GABRB3: variants seen among roughly 807,000 people sequenced by gnomAD.
The protein encoded by GABRB3 is gamma-aminobutyric acid receptor subunit beta-3.
GABRB3 carries 14 observed loss-of-function variants against 52.1 expected under a neutral mutation model. The ratio of observed to expected loss-of-function variants is 0.27; its 90% CI spans 0.18 to 0.42. The LOEUF (loss-of-function observed/expected upper bound fraction) is 0.42, where lower values mean the gene tolerates loss of function less well. Ranked by LOEUF, GABRB3 falls within the 10% of genes least tolerant of loss-of-function variation. The pLI, the probability that GABRB3 is intolerant of heterozygous loss-of-function variation, is 1.00. For synonymous variants in GABRB3, 260 were observed against 232.3 expected (o/e 1.12, Z -1.08); for missense variants, 307 against 609.1 (o/e 0.50, Z 5.22).
intron 3 of GABRB3, chr15:26,666,584 C>T (rs1362667969): frequency 6.6e-6 from 1 of 152,202 alleles, no homozygotes; most frequent in Admixed American, 6.5e-5. Context: ...ACAGTCGTTA[C>T]TTGTATGGTT....
intron 4 of GABRB3, among the ~76,000 whole-genome samples, chr15:26,589,713 G>C (rs1056177608): frequency 1.3e-5 from 2 of 152,054 alleles, no homozygotes; most frequent in Admixed American, 6.6e-5. Flanking sequence ...CTCACCCCCA[G>C]GTGAGCCCAC....
chr15:26,681,816 A>G (rs1182948537), intron 3 of GABRB3, among the ~76,000 whole-genome samples: 1 of 152,126 alleles, frequency 6.6e-6, no homozygotes, highest in African/African-American at 2.4e-5. Context: ...ATGTTTTATA[A>G]GAAAAATTAG....
intron 4 of GABRB3, among the ~76,000 whole-genome samples, chr15:26,596,960 G>C (rs11639008): frequency 0.31 from 47,330 of 152,064 alleles, 9,218 homozygotes; most frequent in Middle Eastern, 0.47. Flanking sequence ...TCGAGGCAGT[G>C]TAGTGTATAA....
intron 3 of GABRB3, among the ~76,000 whole-genome samples, chr15:26,766,439 T>C (rs1455447382): frequency 6.6e-6 from 1 of 152,226 alleles, no homozygotes; most frequent in African/African-American, 2.4e-5. Context: ...ACACCTGCTA[T>C]TGACACTTCT....
chr15:26,638,325 G>A (rs560424548), intron 3 of GABRB3, among the ~76,000 whole-genome samples: 10 of 152,206 alleles, frequency 6.6e-5, no homozygotes, highest in African/African-American at 2.2e-4. Flanking sequence ...TGTGATACCC[G>A]CTCCTCTTGC....
chr15:26,662,950 T>C lies in GABRB3; in HGVS notation c.241-41416A>G, dbSNP rs562804808. ...GGTTCCACATACCCCATGCCCAGTG[T>C]CCCCCAAGGCTGTCATCTGGCATAA... is the stretch of plus-strand genomic sequence containing the variant. On this transcript the variant is annotated intron_variant, in intron 3 of 8. Coordinates refer to ENST00000311550, the MANE Select transcript of GABRB3 (RefSeq NM_000814.6). Among the ~76,000 whole-genome samples the C allele has an allele frequency of 5.3e-5, 8 of 152,222 alleles. No homozygotes were observed. In the South Asian group the frequency reaches 1.7e-3, roughly 32 times the overall value.
Position 26,639,208 on chromosome 15 carries a change from G to A in GABRB3, c.241-17674C>T, listed in dbSNP as rs550933488. ...AATCATGGCCATCAACCCAATGCCC[G>A]TTGTTAATTCCAAAATGACTAGGTG... On this transcript the variant is annotated intron_variant, in intron 3 of 8. Transcript: ENST00000311550. Among the ~76,000 whole-genome samples the A allele has an allele frequency of 5.3e-5, 8 of 152,094 alleles. No homozygotes were observed. The South Asian group carries it at 1.5e-3, about 28-fold the overall frequency.
At chr15:26,624,391 C>T (rs1892605608) in intron 3 of GABRB3, 1 of 985,392 alleles carries the variant, frequency 1.0e-6, no homozygotes, top group Non-Finnish European at 1.2e-6. Flanking sequence ...CATGCTTACG[C>T]CTGAGTCGCG....
At chr15:26,575,325 C>A (rs1037942791) in intron 6 of GABRB3, among the ~76,000 whole-genome samples, 1 of 152,160 alleles carries the variant, frequency 6.6e-6, no homozygotes, top group Non-Finnish European at 1.5e-5. Context: ...TCTGGTCCAG[C>A]ATTTTGGACT....
At chr15:26,690,663 G>A (rs1026667504) in intron 3 of GABRB3, among the ~76,000 whole-genome samples, 3 of 151,854 alleles carry the variant, frequency 2.0e-5, no homozygotes, top group Admixed American at 1.3e-4. Flanking sequence ...CCCAGTGATC[G>A]TGGGGCTGAT....
At chr15:26,728,931 T>G (rs1302146945) in intron 3 of GABRB3, among the ~76,000 whole-genome samples, 6 of 152,212 alleles carry the variant, frequency 3.9e-5, no homozygotes, top group Non-Finnish European at 8.8e-5. Context: ...AATGAAAATG[T>G]AGCTTCCTGA....
At chr15:26,713,223 A>G (rs1010864139) in intron 3 of GABRB3, among the ~76,000 whole-genome samples, 1 of 152,334 alleles carries the variant, frequency 6.6e-6, no homozygotes, top group Non-Finnish European at 1.5e-5. Context: ...AAGGTGTCCC[A>G]GGAGGCCGTG....
At chr15:26,568,344 C>T (rs1469932134) in intron 6 of GABRB3, among the ~76,000 whole-genome samples, 1 of 152,146 alleles carries the variant, frequency 6.6e-6, no homozygotes, top group Admixed American at 6.5e-5. Context: ...TGCCTTCTTG[C>T]CCATGAGTCC....
intron 5 of GABRB3, among the ~76,000 whole-genome samples, chr15:26,581,760 T>C (rs911946531): frequency 6.6e-6 from 1 of 152,258 alleles, no homozygotes; most frequent in Admixed American, 6.5e-5. Context: ...AAGCCTTCCC[T>C]GGCATTCCAT....
intron 5 of GABRB3, 88 bp from the exon 6 acceptor site, chr15:26,580,544 G>A (rs1890752705): frequency 4.5e-6 from 7 of 1,544,602 alleles, no homozygotes; most frequent in Non-Finnish European, 4.5e-6. Context: ...TGGAGGTTGC[G>A]GCTCTGCTAT....
intron 8 of GABRB3, among the ~76,000 whole-genome samples, chr15:26,559,937 C>T (rs1266709146): frequency 6.6e-6 from 1 of 152,170 alleles, no homozygotes; most frequent in Admixed American, 6.5e-5. Flanking sequence ...TTTGCTTTTT[C>T]TCTAGAAGAC....
intron 3 of GABRB3, among the ~76,000 whole-genome samples, chr15:26,714,939 C>T (rs1275461640): frequency 2.6e-5 from 4 of 152,110 alleles, no homozygotes; most frequent in Non-Finnish European, 5.9e-5. Flanking sequence ...GAAACACAAC[C>T]ATCCGCTGCC....
Position 26,625,361 on chromosome 15 carries a change from AAAG to A in GABRB3, c.241-3830_241-3828del, listed in dbSNP as rs1892651196. On this transcript the variant is annotated intron_variant, in intron 3 of 8. Coordinates refer to ENST00000311550, the MANE Select transcript of GABRB3 (RefSeq NM_000814.6). The stretch of plus-strand genomic sequence containing the variant: ...CAAACATTTAGCACAGCTGCTATAG[AAAG>A]AAGCTTTGTAAAAGTATCCTTTTCT... 3 of 510,188 alleles carry A rather than the reference AAAG, an allele frequency of 5.9e-6. No individual in the cohort carries two copies. The South Asian group carries it at 2.6e-4, about 44-fold the overall frequency. The allele number at this position is 510,188 out of a possible 1,614,324, so 31.6% of individuals were successfully genotyped here.
At chr15:26,720,432 T>A (rs559387030) in intron 3 of GABRB3, among the ~76,000 whole-genome samples, 1 of 152,300 alleles carries the variant, frequency 6.6e-6, no homozygotes, top group South Asian at 2.1e-4. Context: ...TAGAACTTAG[T>A]GTCTGAAATA....
Sources: allele counts gnomAD v4.1 joint callset (sites outside exome capture counted in the v4.1 genomes callset), GRCh38; gene constraint gnomAD v4.1.1; transcripts MANE v1.5; gene names NCBI Gene and HGNC (gene_info 2026-07-23, HGNC 2026-07-21).